Variants in KLF17 observed in about 807,000 individuals in gnomAD.
The protein encoded by KLF17 is KLF transcription factor 17, also known as Krueppel-like factor 17.
KLF17 carries 31 observed loss-of-function variants against 34.2 expected under a neutral mutation model. That is an observed-to-expected ratio of 0.91 (90% CI 0.68 to 1.22). The LOEUF (loss-of-function observed/expected upper bound fraction) is 1.22. KLF17 is among the 50% of genes most tolerant of loss of function. KLF17 has a pLI of 0.00. For missense variants in KLF17, 478 were observed against 505.2 expected, an observed-to-expected ratio of 0.95 and a Z score of 0.52; for synonymous variants, 179 against 186.7, an observed-to-expected ratio of 0.96 and a Z score of 0.34.
intron 1 of KLF17, among the ~76,000 whole-genome samples, chr1:44,124,325 G>T (rs1571987048): frequency 4.8e-5 from 7 of 144,520 alleles, no homozygotes; most frequent in South Asian, 2.2e-4. Flanking sequence ...ATTTCCTTTT[G>T]TATATATTCT....
At chr1:44,128,535 G>C (rs963373559) in intron 1 of KLF17, among the ~76,000 whole-genome samples, 3 of 151,816 alleles carry the variant, frequency 2.0e-5, no homozygotes, top group African/African-American at 7.3e-5. Context: ...CTCTCCTCCA[G>C]TGCTTGATCT....
chr1:44,123,377 A>G (rs2087971762), intron 1 of KLF17, among the ~76,000 whole-genome samples: 1 of 152,124 alleles, frequency 6.6e-6, no homozygotes, highest in Admixed American at 6.5e-5. Flanking sequence ...GAATTTGTCC[A>G]TTTTATCCAG....
At chr1:44,078,758 G>T in the KLF17 span, among the ~76,000 whole-genome samples, 1 of 152,042 alleles carries the variant, frequency 6.6e-6, no homozygotes, top group South Asian at 2.1e-4. Flanking sequence ...TGTTCCACTG[G>T]TGTGGATGCC....
At chr1:44,130,231 A>G (rs377319988) in intron 2 of KLF17, 35 bp downstream of exon 2, 1 of 1,575,744 alleles carries the variant, frequency 6.3e-7, no homozygotes, top group African/African-American at 1.4e-5. Flanking sequence ...GGGATGGAGG[A>G]GTCTCTGGGC....
At chr1:44,109,702 C>T in the KLF17 span, among the ~76,000 whole-genome samples, 1 of 152,116 alleles carries the variant, frequency 6.6e-6, no homozygotes, top group Non-Finnish European at 1.5e-5. Context: ...GTATCAATCA[C>T]CCTTCTTCCA....
the KLF17 span, among the ~76,000 whole-genome samples, chr1:44,088,766 C>G: frequency 5.9e-4 from 90 of 152,198 alleles, 1 homozygote; most frequent in East Asian, 0.017. Context: ...GATGAGGGCA[C>G]AGTGGTAAGA....
At chr1:44,122,114 A>C in intron 1 of KLF17, 17 of 1,274,840 alleles carry the variant, frequency 1.3e-5, no homozygotes, top group Non-Finnish European at 1.9e-5. Context: ...AAAATATCCC[A>C]AATCCCGTAT....
intron 1 of KLF17, chr1:44,122,608 T>C: frequency 1.4e-6 from 1 of 693,228 alleles, no homozygotes; most frequent in South Asian, 1.6e-5. Flanking sequence ...TTTGGTTTTT[T>C]TTTTGAGATA....
chr1:44,103,479 G>GT, the KLF17 span: 2 of 927,398 alleles, frequency 2.2e-6, no homozygotes. Context: ...GCCGGGGCTC[G>GT]TGAGGCCCCC....
chr1:44,046,641 T>A, the KLF17 span, among the ~76,000 whole-genome samples: 2 of 152,100 alleles, frequency 1.3e-5, no homozygotes, highest in African/African-American at 4.8e-5. Flanking sequence ...AGGAAATGGA[T>A]GTGCAGAGGT....
the KLF17 span, among the ~76,000 whole-genome samples, chr1:44,092,047 A>G: frequency 1.3e-5 from 2 of 151,090 alleles, no homozygotes; most frequent in Non-Finnish European, 3.0e-5. Context: ...AAAAAAAAAA[A>G]AACTTGCTCT....
At chr1:44,073,246 G>A in the KLF17 span, among the ~76,000 whole-genome samples, 6 of 143,352 alleles carry the variant, frequency 4.2e-5, no homozygotes, top group South Asian at 2.2e-4. Flanking sequence ...TCACTCCGTC[G>A]CCCAGGTTGG....
intron 1 of KLF17, among the ~76,000 whole-genome samples, chr1:44,125,818 A>ATAGGT (rs1351252987): frequency 6.6e-6 from 1 of 151,078 alleles, no homozygotes; most frequent in Non-Finnish European, 1.5e-5. Context: ...AGTTTATCCT[A>ATAGGT]CTTGAATTTT....
chr1:44,101,601 G>A, the KLF17 span: 7 of 152,128 alleles, frequency 4.6e-5, no homozygotes, highest in Admixed American at 2.0e-4. Flanking sequence ...CAATGATCAC[G>A]TCAGGAGACA....
chr1:44,089,946 GA>G, the KLF17 span, among the ~76,000 whole-genome samples: 8 of 152,024 alleles, frequency 5.3e-5, no homozygotes, highest in African/African-American at 1.4e-4. Context: ...CGGATCACTT[GA>G]GTCTAAGAAT....
At chr1:44,126,263 G>A (rs1278987417) in intron 1 of KLF17, among the ~76,000 whole-genome samples, 2 of 152,162 alleles carry the variant, frequency 1.3e-5, no homozygotes, top group African/African-American at 4.8e-5. Context: ...CTGACCTTGC[G>A]ATCCACCCGC....
rs1236344286 is a variant in KLF17, at chr1:44,130,495, T to A, written c.926-17T>A. On this transcript the variant is annotated splice_polypyrimidine_tract_variant and intron_variant, in intron 2 of 3. Transcript: ENST00000372299. ...CCTACTGTATTCTAAATTCCATCTCTCCCTTGTCATTCCCAGGTGAGAGGC... is the reference window on the plus strand; with the variant it reads ...CCTACTGTATTCTAAATTCCATCTCACCCTTGTCATTCCCAGGTGAGAGGC... 1.2e-6 allele frequency: 2 copies of A among 1,614,006 alleles called. No individual in the cohort carries two copies. Among genetic ancestry groups the A allele is most frequent in the Middle Eastern group, 1.6e-4 (1 of 6,062 alleles).
the KLF17 span, among the ~76,000 whole-genome samples, chr1:44,099,647 C>A: frequency 6.6e-6 from 1 of 151,040 alleles, no homozygotes; most frequent in African/African-American, 2.4e-5. Context: ...AACCCCATCT[C>A]TACTAAAAGT....
the KLF17 span, among the ~76,000 whole-genome samples, chr1:44,111,737 C>T: frequency 6.6e-6 from 1 of 151,924 alleles, no homozygotes; most frequent in Non-Finnish European, 1.5e-5. Context: ...ACTAAAAATA[C>T]AAAAAATTAG....
Sources: gnomAD v4.1 joint callset for allele counts (sites outside exome capture counted in the v4.1 genomes callset) on GRCh38, gnomAD v4.1.1 for gene constraint, MANE v1.5 for transcripts, NCBI Gene and HGNC (gene_info 2026-07-23, HGNC 2026-07-21) for gene names.